Variants in RAD51D observed in about 807,000 individuals in gnomAD.
RAD51D encodes RAD51 paralog D.
RAD51D carries 38 observed loss-of-function variants against 44.1 expected under a neutral mutation model. That is an observed-to-expected ratio of 0.86 (90% CI 0.67 to 1.13). The LOEUF is 1.13. Among genes scored for constraint, RAD51D ranks in the 50% most tolerant of loss-of-function variants. RAD51D has a pLI of 0.00. For synonymous variants in RAD51D, 141 were observed against 166.6 expected, an observed-to-expected ratio of 0.85 and a Z score of 1.18; for missense variants, 390 against 414.0, an observed-to-expected ratio of 0.94 and a Z score of 0.50.
rs1413648665 is a variant in RAD51D at position 35,106,447 on chromosome 17, G to A, written c.515C>T (p.Ala172Val). ...EALRRIQVVH[A>V]FDIFQMLDVL... ...ATCCAGCATCTGGAAGATGTCAAAT[G>A]CATGCACCACCTGGATCCTCCGGAG... The change falls in exon 6 of 10, where the codon GCA becomes GTA. Residue 172 changes from alanine to valine, a missense_variant. Ala to Val is a moderately conservative substitution (Grantham distance 64, BLOSUM62 0). Transcript: ENST00000345365. 4.3e-6 allele frequency: 7 copies of A among 1,613,348 alleles called. No homozygotes were observed. The highest frequency in any genetic ancestry group is 4.2e-6 in the Non-Finnish European group (5 of 1,179,706).
chr17:35,115,985 G>GAAAGAA (rs1858775318), intron 3 of RAD51D, among the ~76,000 whole-genome samples: 2 of 148,558 alleles, frequency 1.3e-5, no homozygotes, highest in African/African-American at 5.0e-5. Context: ...AAGAAAGAAA[G>GAAAGAA]AAAGAAAGAA....
At chr17:35,114,389 A>G (rs1313068230) in intron 3 of RAD51D, among the ~76,000 whole-genome samples, 1 of 152,192 alleles carries the variant, frequency 6.6e-6, no homozygotes, top group African/African-American at 2.4e-5. Flanking sequence ...GCTTCAAAAA[A>G]ATACTGATGC....
In RAD51D at chr17:35,097,517, GTATATATA is replaced by G. The variant is rs71369055; in HGVS notation, c.*3428_*3435del. ...TGTGTATATGTGTGTGTGTGTGTGT[GTATATATA>G]TATATATATGTATATGTATATGTAT... On this transcript the variant is annotated 3_prime_UTR_variant, in exon 10 of 10. Coordinates refer to ENST00000345365, the MANE Select transcript of RAD51D (RefSeq NM_002878.4). 3.5e-5 allele frequency: 5 copies of G among 141,490 alleles called. No individual in the cohort carries two copies. The highest frequency in any genetic ancestry group is 1.4e-4 in the African/African-American group (5 of 35,640). The allele number at this position is 141,490 out of a possible 1,614,324, so 8.8% of individuals were successfully genotyped here. A position where few individuals can be genotyped will look rare whatever the true frequency, so the allele number is the denominator to read the frequency against.
Position 35,096,705 on chromosome 17 carries a change from A to G in RAD51D, c.*4248T>C, listed in dbSNP as rs1177625600. 5 of 152,214 alleles carry G rather than the reference A, an allele frequency of 3.3e-5. No individual in the cohort carries two copies. Among genetic ancestry groups the G allele is most frequent in the Non-Finnish European group, 5.9e-5 (4 of 68,084 alleles). 9.4% of individuals were successfully genotyped at this position (152,214 alleles called of 1,614,324 possible). ...CAGAGACCCCGTCTCTACAAAAAAT[A>G]CAAAACTTAGATGGGTGTGGTGGCA... On this transcript the variant is annotated 3_prime_UTR_variant, in exon 10 of 10. Coordinates refer to ENST00000345365, the MANE Select transcript of RAD51D (RefSeq NM_002878.4).
chr17:35,118,667 T>C (rs748999876), intron 2 of RAD51D, 48 bp from the exon 3 acceptor site: 1 of 1,440,666 alleles, frequency 6.9e-7, no homozygotes, highest in South Asian at 1.1e-5. Context: ...CCGTAGAAGC[T>C]GGCATCCCAG....
rs772605790 is a variant in RAD51D, at chr17:35,107,075, G to A, written c.393C>T (p.Asn131=). 1.5e-5 allele frequency: 24 copies of A among 1,614,102 alleles called. No individual in the cohort carries two copies. The highest frequency in any genetic ancestry group is 2.2e-5 in the East Asian group (1 of 44,862). ...CTCCATTGGAATCTACATATAGGAC[G>A]TTTTGCTGCAGGCCATGGGCCACAT... The part of the protein sequence containing the change: ...AANVAHGLQQ[N]VLYVDSNGGL... The change falls in exon 5 of 10, where the codon AAC becomes AAT. Residue 131 remains asparagine (N), a synonymous_variant. Transcript: ENST00000345365.
chr17:35,105,045 T>C (rs376567379), intron 6 of RAD51D: 1 of 152,180 alleles, frequency 6.6e-6, no homozygotes, highest in Non-Finnish European at 1.5e-5. Context: ...TAACTTATTA[T>C]GCAATAATAG....
Position 35,100,240 on chromosome 17 carries a change from A to G in RAD51D, c.*713T>C, listed in dbSNP as rs928845712. The G allele has an allele frequency of 9.4e-6, 5 of 533,044 alleles. No homozygotes were observed. The highest frequency in any genetic ancestry group is 1.8e-5 in the Non-Finnish European group (5 of 275,630). The allele number at this position is 533,044 out of a possible 1,614,324, so 33.0% of individuals were successfully genotyped here. The stretch of plus-strand genomic sequence containing the variant: ...ATATCCCTGGAACTGCAGCGAGCCC[A>G]CACGTTCTCACCTAGTCATGGTGAT... On this transcript the variant is annotated 3_prime_UTR_variant, in exon 10 of 10. Transcript: ENST00000345365.
chr17:35,116,431 A>C (rs1217503711), intron 3 of RAD51D, among the ~76,000 whole-genome samples: 1 of 152,222 alleles, frequency 6.6e-6, no homozygotes, highest in East Asian at 1.9e-4. Context: ...ATCTTGAACA[A>C]GTCATTTAAC....
rs2142421757 is a variant in RAD51D, at chr17:35,103,601, G to C, written c.577-57C>G. 1 of 1,373,368 alleles carries C rather than the reference G, an allele frequency of 7.3e-7. No homozygotes were observed. Among genetic ancestry groups the C allele is most frequent in the Non-Finnish European group, 1.0e-6 (1 of 964,730 alleles). 85.1% of individuals were successfully genotyped at this position (1,373,368 alleles called of 1,614,324 possible). On this transcript the variant is annotated intron_variant, in intron 6 of 9. Coordinates refer to ENST00000345365, the MANE Select transcript of RAD51D (RefSeq NM_002878.4). The surrounding 1 kb of genome is among the most constrained non-coding windows in gnomAD (Gnocchi z 4.1). ...CTGTCAGCCTCTAGGACACATTACA[G>C]GACAAGCTTGCTTTTCTATCTAAAA...
chr17:35,106,920 A>C, intron 5 of RAD51D, 68 bp downstream of exon 5: 1 of 1,611,486 alleles, frequency 6.2e-7, no homozygotes, highest in Non-Finnish European at 8.5e-7. Context: ...CCAAATTCTT[A>C]CAATGTTAAG....
chr17:35,110,489 A>G (rs960398835), intron 3 of RAD51D, among the ~76,000 whole-genome samples: 1 of 152,206 alleles, frequency 6.6e-6, no homozygotes, highest in Non-Finnish European at 1.5e-5. Flanking sequence ...ATCAAATCTA[A>G]GAACTCTTTG....
chr17:35,118,174 T>C (rs2142472078), intron 3 of RAD51D, among the ~76,000 whole-genome samples: 2 of 152,240 alleles, frequency 1.3e-5, no homozygotes, highest in Admixed American at 1.3e-4. Context: ...AGGAGACATT[T>C]TTGATGGTTA....
rs2091661829 is a variant in RAD51D at position 35,110,500 on chromosome 17, C to T, written c.264-3053G>A. 2.0e-5 allele frequency among the ~76,000 whole-genome samples: 3 copies of T among 152,212 alleles called. No homozygotes were observed. In the South Asian group the frequency reaches 6.2e-4, roughly 32 times the overall value. ...TGGCATCAAATCTAAGAACTCTTTG[C>T]CTAGATTTTCTCCTGTTTTGTTCTA... On this transcript the variant is annotated intron_variant, in intron 3 of 9. Coordinates refer to ENST00000345365, the MANE Select transcript of RAD51D (RefSeq NM_002878.4).
chr17:35,119,318 G>A, intron 1 of RAD51D, 146 bp from the exon 2 acceptor site: 1 of 926,976 alleles, frequency 1.1e-6, no homozygotes, highest in Non-Finnish European at 1.7e-6. Flanking sequence ...AGCTGCAGGA[G>A]CCGGCGCGGT....
chr17:35,117,810 T>C (rs1327383279), intron 3 of RAD51D, among the ~76,000 whole-genome samples: 3 of 152,162 alleles, frequency 2.0e-5, no homozygotes, highest in African/African-American at 7.2e-5. Flanking sequence ...CCGCAACTCC[T>C]TCTTTCTCTG....
intron 3 of RAD51D, among the ~76,000 whole-genome samples, chr17:35,110,739 A>T (rs2091663917): frequency 6.6e-6 from 1 of 152,190 alleles, no homozygotes; most frequent in South Asian, 2.1e-4. Context: ...TGGGAGGCTG[A>T]GGCGGGAGCA....
rs989880938 is a variant in RAD51D at position 35,094,517 on chromosome 17, A to T, written c.*6436T>A. The T allele has an allele frequency of 6.6e-6, 1 of 152,238 alleles. No individual in the cohort carries two copies. The highest frequency in any genetic ancestry group is 2.4e-5 in the African/African-American group (1 of 41,464). 9.4% of individuals were successfully genotyped at this position (152,238 alleles called of 1,614,324 possible). On this transcript the variant is annotated 3_prime_UTR_variant, in exon 10 of 10. Coordinates refer to ENST00000345365, the MANE Select transcript of RAD51D (RefSeq NM_002878.4). ...ATTCTTTTGTAACTTCCCTGGGGGA[A>T]ATCAGAAAGAGCTGAGAAGTAGATC...
Position 35,108,896 on chromosome 17 carries a change from T to C in RAD51D, c.264-1449A>G, listed in dbSNP as rs1366198874. ...TTTTTTTTTTTTTTGAGACGGAGTC[T>C]CGCTCTGTCGCCCAGGCTGGAGTGC... is the stretch of plus-strand genomic sequence containing the variant. On this transcript the variant is annotated intron_variant, in intron 3 of 9. Coordinates refer to ENST00000345365, the MANE Select transcript of RAD51D (RefSeq NM_002878.4). 1.6e-4 allele frequency among the ~76,000 whole-genome samples: 23 copies of C among 147,696 alleles called. No individual in the cohort carries two copies. The Admixed American group carries it at 1.6e-3, about 10-fold the overall frequency.
Sources: allele counts gnomAD v4.1 joint callset (sites outside exome capture counted in the v4.1 genomes callset), GRCh38; gene constraint gnomAD v4.1.1; non-coding constraint Gnocchi (gnomAD v3.1); transcripts MANE v1.5; gene names NCBI Gene and HGNC (gene_info 2026-07-23, HGNC 2026-07-21).